Variants in MTUS1 observed in about 807,000 individuals in gnomAD.
The protein encoded by MTUS1 is microtubule associated scaffold protein 1.
MTUS1 carries 109 observed loss-of-function variants against 120.8 expected under a neutral mutation model. The observed-to-expected ratio is 0.90, with a 90% CI of 0.77 to 1.06. The LOEUF (loss-of-function observed/expected upper bound fraction) is 1.06. MTUS1 is among the 50% of genes least tolerant of loss of function. The pLI, the probability that MTUS1 is intolerant of heterozygous loss-of-function variation, is 0.00. For synonymous variants in MTUS1, 737 were observed against 550.5 expected (o/e 1.34, Z -4.74); for missense variants, 2,210 against 1,486.3 (o/e 1.49, Z -8.01).
chr8:17,756,042 T>TGAA, intron 1 of MTUS1, 81 bp from the exon 2 acceptor site: 7 of 778,646 alleles, frequency 9.0e-6, no homozygotes, highest in Non-Finnish European at 1.3e-5. Context: ...ACTAAGTGAT[T>TGAA]AGTTTCAATC....
chr8:17,761,954 A>G (rs2049069322), intron 1 of MTUS1, among the ~76,000 whole-genome samples: 1 of 152,214 alleles, frequency 6.6e-6, no homozygotes, highest in Admixed American at 6.5e-5. Context: ...CATTGGCACA[A>G]CATCTAAGCT....
At chr8:17,783,418 A>G (rs1187554010) in intron 1 of MTUS1, among the ~76,000 whole-genome samples, 2 of 152,310 alleles carry the variant, frequency 1.3e-5, no homozygotes, top group East Asian at 3.9e-4. Flanking sequence ...TCAGCACTCC[A>G]GGACTGGCCG....
rs1220498728 is a variant in MTUS1 at position 17,754,371 on chromosome 8, T to C, written c.1437A>G (p.Leu479=). Residue 479 remains leucine, a synonymous_variant, in exon 2 of 15, where the codon TTA becomes TTG. Transcript: ENST00000693296. ...TATTCGTTTTGATTGTTGATTTTCCTAAACTGGGTTTACACAGGTTCACAG... is the reference window on the plus strand; with the variant it reads ...TATTCGTTTTGATTGTTGATTTTCCCAAACTGGGTTTACACAGGTTCACAG... ...EAPVNLCKPS[L]GKSTIKTNTP... 3 of 1,614,198 alleles carry C rather than the reference T, an allele frequency of 1.9e-6. No individual in the cohort carries two copies. The highest frequency in any genetic ancestry group is 2.2e-5 in the South Asian group (2 of 91,078).
intron 12 of MTUS1, among the ~76,000 whole-genome samples, chr8:17,650,348 T>C (rs1175374033): frequency 6.6e-6 from 1 of 152,076 alleles, no homozygotes; most frequent in African/African-American, 2.4e-5. Flanking sequence ...AACAAACTGA[T>C]CAGGAAAGAA....
At chr8:17,719,939 G>A (rs1247002314) in intron 4 of MTUS1, among the ~76,000 whole-genome samples, 1 of 152,190 alleles carries the variant, frequency 6.6e-6, no homozygotes, top group Non-Finnish European at 1.5e-5. Context: ...GTTTGTTGCT[G>A]CAAGGACTTT....
chr8:17,700,390 A>C (rs1419749597), intron 6 of MTUS1, among the ~76,000 whole-genome samples: 8 of 142,006 alleles, frequency 5.6e-5, no homozygotes, highest in African/African-American at 1.8e-4. Flanking sequence ...GAACCGCTTG[A>C]ATCTGGGAGA....
intron 3 of MTUS1, among the ~76,000 whole-genome samples, chr8:17,735,461 C>G (rs2046861542): frequency 6.6e-6 from 1 of 152,214 alleles, no homozygotes; most frequent in Non-Finnish European, 1.5e-5. Flanking sequence ...AACTAATCAG[C>G]CTCTACCTCC....
At position 17,672,828 on chromosome 8, in the gene MTUS1, G is replaced by C. The variant is rs28528217; in HGVS notation, c.2905+2358C>G. 9.3e-3 allele frequency among the ~76,000 whole-genome samples: 1,413 copies of C among 152,308 alleles called. 21 individuals are homozygous for C. The highest frequency in any genetic ancestry group is 0.031 in the African/African-American group (1,294 of 41,556). On this transcript the variant is annotated intron_variant, in intron 8 of 14. Coordinates refer to ENST00000693296, the MANE Select transcript of MTUS1 (RefSeq NM_001363059.2). ...ATCAAGGATAGGAAGGTGACAGTGG[G>C]CACAGACTGTTACAGCTATTTCCTG...
intron 1 of MTUS1, among the ~76,000 whole-genome samples, chr8:17,760,933 A>G (rs2131377244): frequency 6.6e-6 from 1 of 152,294 alleles, no homozygotes; most frequent in Non-Finnish European, 1.5e-5. Context: ...CACCAGAACA[A>G]AGGTATAACA....
chr8:17,648,584 A>G (rs909015017), intron 13 of MTUS1, among the ~76,000 whole-genome samples: 1 of 152,236 alleles, frequency 6.6e-6, no homozygotes, highest in African/African-American at 2.4e-5. Flanking sequence ...ATTAACAACC[A>G]TGAGTTCCTT....
intron 5 of MTUS1, among the ~76,000 whole-genome samples, chr8:17,714,356 AT>A (rs1821904081): frequency 6.6e-6 from 1 of 152,212 alleles, no homozygotes; most frequent in Admixed American, 6.5e-5. Flanking sequence ...GTTAAGGAGG[AT>A]GCTGTGACAG....
chr8:17,651,385 G>A (rs62496781), intron 12 of MTUS1, among the ~76,000 whole-genome samples: 1,545 of 152,066 alleles, frequency 0.01, 13 homozygotes, highest in Non-Finnish European at 0.015. Flanking sequence ...TAATGATGAC[G>A]GATACCCTAA....
rs780140806 is a variant in MTUS1, at chr8:17,723,674, T to A, written c.2447A>T (p.Asn816Ile). ...THSELSTYSN[N>I]SGNAAVIKYE... ...AGTGTGATATAAAGTCGACTTACAA[T>A]TGTTGCTGTAAGTGCTCAGCTCACT... Residue 816 changes from asparagine (N) to isoleucine (I), a missense_variant and splice_region_variant, in exon 4 of 15, where the codon AAT (asparagine) becomes ATT (isoleucine). Transcript: ENST00000693296. 1.2e-6 allele frequency: 2 copies of A among 1,608,886 alleles called. No homozygotes were observed. The highest frequency in any genetic ancestry group is 2.2e-5 in the South Asian group (2 of 90,934).
intron 5 of MTUS1, 69 bp from the exon 6 acceptor site, chr8:17,713,321 T>C (rs998264377): frequency 5.4e-6 from 5 of 931,092 alleles, no homozygotes; most frequent in Middle Eastern, 2.7e-4. Context: ...ACAAACCATG[T>C]TGATAAGAAT....
intron 6 of MTUS1, chr8:17,697,384 G>A (rs1818196601): frequency 2.5e-6 from 4 of 1,613,530 alleles, no homozygotes; most frequent in Middle Eastern, 1.7e-4. Flanking sequence ...ACATGTCTTC[G>A]GAGCAGGTGG....
intron 3 of MTUS1, among the ~76,000 whole-genome samples, chr8:17,735,503 C>T (rs545026903): frequency 1.4e-4 from 22 of 152,316 alleles, no homozygotes; most frequent in Non-Finnish European, 1.0e-4. Flanking sequence ...TCATTGACCC[C>T]GGGACACGTC....
intron 3 of MTUS1, among the ~76,000 whole-genome samples, chr8:17,725,144 C>A (rs1408706062): frequency 2.0e-5 from 3 of 152,128 alleles, no homozygotes; most frequent in Admixed American, 1.3e-4. Context: ...AGCACTGTCT[C>A]CCAATGCTAC....
Position 17,721,728 on chromosome 8 carries a change from C to T in MTUS1, c.2449+1944G>A, listed in dbSNP as rs200378241. 199 of 1,577,022 alleles carry T rather than the reference C, an allele frequency of 1.3e-4. 1 individual carries two copies. The East Asian group carries it at 4.4e-3, about 35-fold the overall frequency. ...TCGACCTACTTTTTTTCCCAGTAAA[C>T]GTGGCTAACAAAGGAATTATACAAA... is the stretch of plus-strand genomic sequence containing the variant. On this transcript the variant is annotated intron_variant, in intron 4 of 14. Transcript: ENST00000693296.
At chr8:17,663,475 T>A (rs1810214120) in intron 8 of MTUS1, among the ~76,000 whole-genome samples, 1 of 152,200 alleles carries the variant, frequency 6.6e-6, no homozygotes, top group Non-Finnish European at 1.5e-5. Flanking sequence ...CTCAAGAACA[T>A]AAATAAATGT....
Sources: allele counts gnomAD v4.1 joint callset (sites outside exome capture counted in the v4.1 genomes callset), GRCh38; gene constraint gnomAD v4.1.1; transcripts MANE v1.5; gene names NCBI Gene and HGNC (gene_info 2026-07-23, HGNC 2026-07-21).